Variants in CAMK4 observed in about 807,000 individuals in gnomAD.
The protein encoded by CAMK4 is calcium/calmodulin-dependent protein kinase type IV.
CAMK4 carries 22 observed loss-of-function variants against 44.9 expected under a neutral mutation model. The ratio of observed to expected loss-of-function variants is 0.49; its 90% CI spans 0.35 to 0.70. The LOEUF (loss-of-function observed/expected upper bound fraction) is 0.70. Ranked by LOEUF, CAMK4 falls within the 30% of genes least tolerant of loss-of-function variation. CAMK4 has a pLI of 0.01. For synonymous variants in CAMK4, 218 were observed against 215.4 expected, an observed-to-expected ratio of 1.01 and a Z score of -0.11; for missense variants, 498 against 586.8, an observed-to-expected ratio of 0.85 and a Z score of 1.56.
chr5:111,233,231 C>T (rs6875225), intron 1 of CAMK4, among the ~76,000 whole-genome samples: 76,549 of 151,970 alleles, frequency 0.5, 19,623 homozygotes, highest in Non-Finnish European at 0.54. Context: ...CAAATCTTAA[C>T]TTATTCAAGG....
intron 5 of CAMK4, among the ~76,000 whole-genome samples, chr5:111,395,211 C>CAAAAAAAAAAAAAAAAAAAAAAA (rs1175802762): frequency 1.1e-5 from 1 of 90,678 alleles, no homozygotes; most frequent in African/African-American, 3.7e-5. Flanking sequence ...GACCCTGTCT[C>CAAAAAAAAAAAAAAAAAAAAAAA]AAAAAAAAAA....
intron 5 of CAMK4, among the ~76,000 whole-genome samples, chr5:111,413,770 G>T (rs1296715764): frequency 6.6e-6 from 1 of 151,898 alleles, no homozygotes; most frequent in Non-Finnish European, 1.5e-5. Flanking sequence ...GAAAATATAG[G>T]TTCAAATATT....
At chr5:111,342,612 G>A (rs1055842169) in intron 1 of CAMK4, among the ~76,000 whole-genome samples, 13 of 150,560 alleles carry the variant, frequency 8.6e-5, no homozygotes, top group Admixed American at 2.7e-4. Context: ...AGTTTATAAT[G>A]TTTACATTTA....
chr5:111,363,067 C>G (rs559298690), intron 2 of CAMK4, among the ~76,000 whole-genome samples: 1 of 152,118 alleles, frequency 6.6e-6, no homozygotes, highest in South Asian at 2.1e-4. Flanking sequence ...GCTCTATAGC[C>G]TGAAATGGGG....
At chr5:111,450,511 G>C (rs1580769933) in intron 7 of CAMK4, among the ~76,000 whole-genome samples, 1 of 149,674 alleles carries the variant, frequency 6.7e-6, no homozygotes, top group South Asian at 2.1e-4. Context: ...CATGTGGCCA[G>C]ATGCGGTGGC....
chr5:111,250,686 T>C (rs1749447162), intron 1 of CAMK4, among the ~76,000 whole-genome samples: 1 of 152,222 alleles, frequency 6.6e-6, no homozygotes, highest in South Asian at 2.1e-4. Flanking sequence ...ACCATCTTTC[T>C]TCTTCCTCTC....
In CAMK4 at chr5:111,482,598, C is replaced by T. The variant is rs1755470774; in HGVS notation, c.829-187C>T. The T allele has an allele frequency of 2.3e-6, 1 of 443,068 alleles. No homozygotes were observed. Among genetic ancestry groups the T allele is most frequent in the South Asian group, 4.8e-5 (1 of 20,904 alleles). 27.4% of individuals were successfully genotyped at this position (443,068 alleles called of 1,614,324 possible). A position where few individuals can be genotyped will look rare whatever the true frequency, so the allele number is the denominator to read the frequency against. ...GTACATGGCCCTGTCTTCTCATACT[C>T]CCTCAGCTACTGCTACCTGAAGCTG... On this transcript the variant is annotated intron_variant, in intron 9 of 10. Transcript: ENST00000282356. This position sits in a 1 kb window ranked among gnomAD's most constrained non-coding sequence, Gnocchi z 4.9.
At chr5:111,346,402 G>T (rs1169727716) in intron 2 of CAMK4, among the ~76,000 whole-genome samples, 1 of 151,744 alleles carries the variant, frequency 6.6e-6, no homozygotes. Flanking sequence ...TAACAACTTT[G>T]GGACTACTAT....
At chr5:111,436,195 A>G (rs1753639481) in intron 5 of CAMK4, among the ~76,000 whole-genome samples, 1 of 152,224 alleles carries the variant, frequency 6.6e-6, no homozygotes, top group Non-Finnish European at 1.5e-5. Context: ...ATGTAGGCAA[A>G]ATGACATTTT....
At chr5:111,340,570 C>G (rs951144901) in intron 1 of CAMK4, among the ~76,000 whole-genome samples, 1 of 151,168 alleles carries the variant, frequency 6.6e-6, no homozygotes, top group African/African-American at 2.4e-5. Context: ...TAACACTTGA[C>G]CATGATGAAT....
At chr5:111,423,862 GC>G (rs1213270031) in intron 5 of CAMK4, among the ~76,000 whole-genome samples, 1 of 152,146 alleles carries the variant, frequency 6.6e-6, no homozygotes, top group African/African-American at 2.4e-5. Flanking sequence ...TGTGGACCAA[GC>G]TTTAGCTAAA....
intron 5 of CAMK4, among the ~76,000 whole-genome samples, chr5:111,399,869 T>A (rs1171418142): frequency 6.6e-6 from 1 of 152,208 alleles, no homozygotes. Flanking sequence ...TGGGTATGCC[T>A]CAATATAGTA....
chr5:111,328,372 C>G (rs953418263), intron 1 of CAMK4, among the ~76,000 whole-genome samples: 139 of 151,646 alleles, frequency 9.2e-4, no homozygotes, highest in Non-Finnish European at 1.7e-3. Context: ...TGGTCTATAT[C>G]TCTGTTTTGG....
At chr5:111,295,819 C>G (rs1188517305) in intron 1 of CAMK4, among the ~76,000 whole-genome samples, 4 of 152,112 alleles carry the variant, frequency 2.6e-5, no homozygotes, top group Non-Finnish European at 4.4e-5. Flanking sequence ...ACAATTTGAA[C>G]AAATATGCTT....
At chr5:111,457,324 T>C (rs1754450811) in intron 7 of CAMK4, among the ~76,000 whole-genome samples, 1 of 152,192 alleles carries the variant, frequency 6.6e-6, no homozygotes. Context: ...ATAGGAATAA[T>C]TTCTAGGGAG....
chr5:111,293,060 G>A (rs563280345), intron 1 of CAMK4, among the ~76,000 whole-genome samples: 1 of 152,330 alleles, frequency 6.6e-6, no homozygotes, highest in African/African-American at 2.4e-5. Context: ...AGCATTGACA[G>A]AGAAAGGGCT....
chr5:111,478,536 A>G, intron 9 of CAMK4, 29 bp downstream of exon 9: 1 of 1,291,062 alleles, frequency 7.7e-7, no homozygotes, highest in Non-Finnish European at 1.1e-6. Flanking sequence ...AAATGAAACA[A>G]AATGAAATAA....
intron 5 of CAMK4, among the ~76,000 whole-genome samples, chr5:111,424,732 C>G (rs2112925347): frequency 6.6e-6 from 1 of 150,992 alleles, no homozygotes. Flanking sequence ...CAGGCGTGAG[C>G]CACCGCGTCC....
intron 1 of CAMK4, among the ~76,000 whole-genome samples, chr5:111,242,033 C>T (rs1749016365): frequency 6.6e-6 from 1 of 152,170 alleles, no homozygotes; most frequent in Non-Finnish European, 1.5e-5. Context: ...CACTGGAAGA[C>T]CACGCAGGCA....
Sources: gnomAD v4.1 joint callset for allele counts (sites outside exome capture counted in the v4.1 genomes callset) on GRCh38, gnomAD v4.1.1 for gene constraint, Gnocchi (gnomAD v3.1) non-coding constraint, MANE v1.5 for transcripts, NCBI Gene and HGNC (gene_info 2026-07-23, HGNC 2026-07-21) for gene names.